The following TLK1 variants were observed in gnomAD, a reference collection of about 807,000 sequenced individuals.
TLK1 encodes serine/threonine-protein kinase tousled-like 1.
TLK1 carries 24 observed loss-of-function variants against 105.3 expected under a neutral mutation model. The ratio of observed to expected loss-of-function variants is 0.23; its 90% CI spans 0.17 to 0.32. TLK1 has a LOEUF of 0.32. Among genes scored for constraint, TLK1 ranks in the 10% least tolerant of loss-of-function variants. TLK1 has a pLI of 1.00. For missense variants in TLK1, 558 were observed against 910.5 expected, an observed-to-expected ratio of 0.61 and a Z score of 4.98; for synonymous variants, 321 against 310.4, an observed-to-expected ratio of 1.03 and a Z score of -0.36.
intron 1 of TLK1, among the ~76,000 whole-genome samples, chr2:171,148,896 T>C (rs60790778): frequency 2.0e-5 from 2 of 102,182 alleles, no homozygotes; most frequent in Non-Finnish European, 2.3e-5. Context: ...AAAAAATATA[T>C]ATATATATAT....
At position 171,002,261 on chromosome 2, in the gene TLK1, C is replaced by CT. The variant is rs201401477; in HGVS notation, c.1904+3885dup. ...TTTAAAATGGTCATATCATCTTTTT[C>CT]TTTTTTTTTACTTTTGAGACAGAGT... On this transcript the variant is annotated intron_variant, in intron 18 of 20. Transcript: ENST00000431350. Among the ~76,000 whole-genome samples, 594 of 151,388 alleles carry CT rather than the reference C, an allele frequency of 3.9e-3. 5 individuals carry two copies. The highest frequency in any genetic ancestry group is 0.013 in the African/African-American group (533 of 41,260).
At chr2:171,210,715 C>A (rs149370091) in intron 1 of TLK1, among the ~76,000 whole-genome samples, 9 of 152,294 alleles carry the variant, frequency 5.9e-5, no homozygotes, top group African/African-American at 2.2e-4. Flanking sequence ...ATCCTTATAT[C>A]TGAACCACCT....
chr2:171,161,893 A>C (rs1321528653), upstream of TLK1, among the ~76,000 whole-genome samples: 1 of 152,220 alleles, frequency 6.6e-6, no homozygotes, highest in African/African-American at 2.4e-5. Context: ...AAAGTACAAC[A>C]AGGTTATTTC....
chr2:171,031,768 G>T (rs1293369057), intron 11 of TLK1, among the ~76,000 whole-genome samples: 1 of 152,030 alleles, frequency 6.6e-6, no homozygotes, highest in Non-Finnish European at 1.5e-5. Flanking sequence ...CAGAAATATG[G>T]GGTGACAGTA....
intron 2 of TLK1, among the ~76,000 whole-genome samples, chr2:171,105,768 G>A (rs541182480): frequency 2.0e-5 from 3 of 151,982 alleles, no homozygotes; most frequent in East Asian, 3.9e-4. Flanking sequence ...GTGGAAGTGC[G>A]AATTAGTATA....
chr2:171,163,544 T>G (rs1012195178), upstream of TLK1, among the ~76,000 whole-genome samples: 1 of 152,220 alleles, frequency 6.6e-6, no homozygotes, highest in African/African-American at 2.4e-5. Context: ...TGATTCAATT[T>G]CCTCATCTAC....
At chr2:171,020,116 T>C (rs1242813653) in intron 12 of TLK1, among the ~76,000 whole-genome samples, 1 of 150,856 alleles carries the variant, frequency 6.6e-6, no homozygotes, top group African/African-American at 2.4e-5. Context: ...GTGAATAATA[T>C]CAATCCCTTA....
At chr2:171,132,887 A>G (rs1691158811) in intron 1 of TLK1, among the ~76,000 whole-genome samples, 1 of 152,144 alleles carries the variant, frequency 6.6e-6, no homozygotes, top group Non-Finnish European at 1.5e-5. Flanking sequence ...AAAACACTAA[A>G]TCTAAATCTC....
intron 2 of TLK1, among the ~76,000 whole-genome samples, chr2:171,094,679 G>A (rs1689379097): frequency 1.3e-5 from 2 of 152,086 alleles, no homozygotes; most frequent in African/African-American, 4.8e-5. Flanking sequence ...CGTGATCTCG[G>A]CTCACTGCAA....
chr2:171,060,961 T>C lies in TLK1; in HGVS notation c.406+120A>G, dbSNP rs1192168976. On this transcript the variant is annotated intron_variant, in intron 4 of 20. Transcript: ENST00000431350. ...GCAATCATTATACACTAACTACCTG[T>C]GCACACACCAAAATTTACAACTTCA... 3 of 941,048 alleles carry C rather than the reference T, an allele frequency of 3.2e-6. No individual in the cohort carries two copies. In the African/African-American group the frequency reaches 5.0e-5, roughly 16 times the overall value. 58.3% of individuals were successfully genotyped at this position (941,048 alleles called of 1,614,324 possible).
intron 1 of TLK1, among the ~76,000 whole-genome samples, chr2:171,135,497 A>G (rs1691277848): frequency 6.6e-6 from 1 of 151,990 alleles, no homozygotes. Flanking sequence ...ACAAGATCCT[A>G]TCTCTTAAAA....
At chr2:171,011,553 T>A in intron 13 of TLK1, 99 bp from the exon 14 acceptor site, 1 of 944,692 alleles carries the variant, frequency 1.1e-6, no homozygotes, top group African/African-American at 1.7e-5. Flanking sequence ...TAGCTATTTA[T>A]TTCTCAGTTA....
At chr2:171,220,844 A>C (rs934413705) in intron 1 of TLK1, among the ~76,000 whole-genome samples, 1 of 152,118 alleles carries the variant, frequency 6.6e-6, no homozygotes, top group Non-Finnish European at 1.5e-5. Flanking sequence ...CTAAACAAAT[A>C]AACAAAACCT....
chr2:171,121,995 G>A (rs2105538252), intron 1 of TLK1, among the ~76,000 whole-genome samples: 1 of 152,292 alleles, frequency 6.6e-6, no homozygotes, highest in East Asian at 1.9e-4. Flanking sequence ...TCACCAGGCT[G>A]GAGTGTAGTG....
Position 171,160,596 on chromosome 2 carries a change from G to T in TLK1, c.-168C>A. The stretch of plus-strand genomic sequence containing the variant: ...GGAGGAAACCGAGAAGAGGGGAGGT[G>T]GGGAGGAAAGAGGTGAGGGAAGGAG... On this transcript the variant is annotated 5_prime_UTR_variant, in exon 1 of 21. Coordinates refer to ENST00000431350, the MANE Select transcript of TLK1 (RefSeq NM_012290.5). The surrounding 1 kb of genome is among the most constrained non-coding windows in gnomAD (Gnocchi z 4.4). 1 of 1,101,000 alleles carries T rather than the reference G, an allele frequency of 9.1e-7. No homozygotes were observed. The highest frequency in any genetic ancestry group is 1.6e-5 in the African/African-American group (1 of 60,948). 68.2% of individuals were successfully genotyped at this position (1,101,000 alleles called of 1,614,324 possible).
intron 1 of TLK1, among the ~76,000 whole-genome samples, chr2:171,149,575 G>A (rs1482618645): frequency 1.3e-5 from 2 of 152,120 alleles, no homozygotes; most frequent in South Asian, 4.1e-4. Flanking sequence ...GCTTGCAAAG[G>A]GGTGCCATTT....
rs112812793 is a variant in TLK1, at chr2:171,160,144, G to C, written c.139+146C>G. On this transcript the variant is annotated intron_variant, in intron 1 of 20. Coordinates refer to ENST00000431350, the MANE Select transcript of TLK1 (RefSeq NM_012290.5). This position sits in a 1 kb window ranked among gnomAD's most constrained non-coding sequence, Gnocchi z 4.4. ...ACTACCTCCCCAGAGCCGGGGAGCC[G>C]GGCGGCCTCGCGTCCACCTCGCCAC... is the stretch of plus-strand genomic sequence containing the variant. 611 of 903,074 alleles carry C rather than the reference G, an allele frequency of 6.8e-4. 5 individuals carry two copies. In the African/African-American group the frequency reaches 8.2e-3, roughly 12 times the overall value. The allele number at this position is 903,074 out of a possible 1,614,324, so 55.9% of individuals were successfully genotyped here. A position where few individuals can be genotyped will look rare whatever the true frequency, so the allele number is the denominator to read the frequency against.
rs542230017 is a variant in TLK1 at position 171,055,132 on chromosome 2, C to G, written c.590G>C (p.Gly197Ala). Reference protein sequence around the residue: ...NSPSPTALAFGDHPIVQPKQL... With the variant: ...NSPSPTALAFADHPIVQPKQL... The stretch of plus-strand genomic sequence containing the variant: ...CTTTGGTTGTACAATAGGGTGGTCC[C>G]CAAATGCTAATGCAGTAGGAGAAGG... Residue 197 changes from glycine (G) to alanine (A), a missense_variant, in exon 7 of 21, where the codon GGG becomes GCG. Gly to Ala is a moderately conservative substitution (Grantham distance 60). This residue lies in a region of TLK1 where 196 missense variants were observed against 239.3 expected (regional missense o/e 0.82). Coordinates refer to ENST00000431350, the MANE Select transcript of TLK1 (RefSeq NM_012290.5). 1 of 1,500,134 alleles carries G rather than the reference C, an allele frequency of 6.7e-7. No homozygotes were observed. The highest frequency in any genetic ancestry group is 1.5e-5 in the South Asian group (1 of 68,608). The allele number at this position is 1,500,134 out of a possible 1,614,324, so 92.9% of individuals were successfully genotyped here.
chr2:171,037,103 A>T lies in TLK1; in HGVS notation c.1170-8698T>A, dbSNP rs115188126. On this transcript the variant is annotated intron_variant, in intron 11 of 20. Transcript: ENST00000431350. ...AAAAGGTAATATCTGAACTAAATTA[A>T]AAAGAAGCAACAGCAGGAGGCCAGG... Among the ~76,000 whole-genome samples, 707 of 152,234 alleles carry T rather than the reference A, an allele frequency of 4.6e-3. 8 individuals are homozygous for T. Among genetic ancestry groups the T allele is most frequent in the African/African-American group, 0.016 (668 of 41,544 alleles).
Sources: gnomAD v4.1 joint callset for allele counts (sites outside exome capture counted in the v4.1 genomes callset) on GRCh38, gnomAD v4.1.1 for gene constraint, gnomAD v4.1.1 regional missense constraint, Gnocchi (gnomAD v3.1) non-coding constraint, MANE v1.5 for transcripts, NCBI Gene and HGNC (gene_info 2026-07-23, HGNC 2026-07-21) for gene names.